CTNNA2: variants seen among roughly 807,000 people sequenced by gnomAD.
CTNNA2 encodes the protein catenin alpha-2.
Under a neutral mutation model 101.0 loss-of-function variants are expected in CTNNA2, and 42 were observed. The ratio of observed to expected loss-of-function variants is 0.42; its 90% CI spans 0.32 to 0.54. The LOEUF (loss-of-function observed/expected upper bound fraction) is 0.54, where lower values mean the gene tolerates loss of function less well. Among genes scored for constraint, CTNNA2 ranks in the 20% least tolerant of loss-of-function variants. The probability of loss-of-function intolerance (pLI) is 0.14; values close to 1 mark genes in which losing one functional copy is unlikely to be tolerated. For missense variants in CTNNA2, 871 were observed against 1,223.1 expected, an observed-to-expected ratio of 0.71 and a Z score of 4.29; for synonymous variants, 450 against 456.4, an observed-to-expected ratio of 0.99 and a Z score of 0.18.
chr2:80,460,075 C>T (rs1047154536), intron 9 of CTNNA2, among the ~76,000 whole-genome samples: 6 of 152,084 alleles, frequency 3.9e-5, no homozygotes, highest in African/African-American at 1.4e-4. Flanking sequence ...TACTAATGCT[C>T]CTGAAATTTA....
At chr2:80,560,075 A>G (rs929493585) in intron 12 of CTNNA2, among the ~76,000 whole-genome samples, 34 of 149,186 alleles carry the variant, frequency 2.3e-4, no homozygotes, top group East Asian at 1.8e-3. Flanking sequence ...AAAAAAAAGA[A>G]AAAAGCATAT....
intron 7 of CTNNA2, among the ~76,000 whole-genome samples, chr2:80,033,159 A>C (rs1695412837): frequency 6.6e-6 from 1 of 151,576 alleles, no homozygotes; most frequent in South Asian, 2.1e-4. Flanking sequence ...AAAAAAAAAA[A>C]AAAAAAACAA....
chr2:79,894,852 C>T (rs147211482), intron 6 of CTNNA2, among the ~76,000 whole-genome samples: 1 of 152,324 alleles, frequency 6.6e-6, no homozygotes, highest in Non-Finnish European at 1.5e-5. Flanking sequence ...TTCACATGCA[C>T]TTTTAGCACA....
At chr2:80,280,136 A>G (rs1203354773) in intron 7 of CTNNA2, among the ~76,000 whole-genome samples, 2 of 151,300 alleles carry the variant, frequency 1.3e-5, no homozygotes, top group East Asian at 4.0e-4. Flanking sequence ...ACCAAATAGG[A>G]TCTTGTGTGC....
At chr2:80,022,138 A>C (rs1694608123) in intron 7 of CTNNA2, among the ~76,000 whole-genome samples, 1 of 152,236 alleles carries the variant, frequency 6.6e-6, no homozygotes, top group Non-Finnish European at 1.5e-5. Context: ...TAGTGCTGAC[A>C]GCACCGGTCA....
chr2:80,297,998 TG>T (rs1454967273), intron 7 of CTNNA2, among the ~76,000 whole-genome samples: 1 of 149,792 alleles, frequency 6.7e-6, no homozygotes, highest in African/African-American at 2.5e-5. Flanking sequence ...GTTATATATG[TG>T]TGTGTGTGTG....
At chr2:80,008,989 T>A (rs1317910750) in intron 7 of CTNNA2, among the ~76,000 whole-genome samples, 1 of 152,148 alleles carries the variant, frequency 6.6e-6, no homozygotes, top group Non-Finnish European at 1.5e-5. Context: ...AGGAAGCTGG[T>A]TCTGTTTAAA....
At chr2:80,519,108 CTCTT>C (rs982143281) in intron 9 of CTNNA2, among the ~76,000 whole-genome samples, 20 of 151,262 alleles carry the variant, frequency 1.3e-4, no homozygotes, top group African/African-American at 3.4e-4. Flanking sequence ...ATAAACACCT[CTCTT>C]TCTCTTTTGT....
intron 8 of CTNNA2, among the ~76,000 whole-genome samples, chr2:80,395,321 A>G (rs1573937084): frequency 6.6e-6 from 1 of 152,188 alleles, no homozygotes; most frequent in East Asian, 1.9e-4. Context: ...GAAATGTTTC[A>G]TGGTATTAAG....
chr2:79,821,172 T>C (rs1677970691), intron 3 of CTNNA2, among the ~76,000 whole-genome samples: 1 of 152,182 alleles, frequency 6.6e-6, no homozygotes, highest in South Asian at 2.1e-4. Flanking sequence ...GATAATTCCT[T>C]CAATAATTCA....
chr2:80,230,946 T>A lies in CTNNA2; in HGVS notation c.1057-162265T>A, dbSNP rs141507422. 4.6e-3 allele frequency among the ~76,000 whole-genome samples: 688 copies of A among 148,792 alleles called. 15 individuals carry two copies. Among genetic ancestry groups the A allele is most frequent in the Admixed American group, 0.033 (494 of 14,964 alleles). ...AGTGCAGAAGCAGACGTAGAATGATTGTGTTCCTGGTGTTTGTTTTGTTTT... is the reference window on the plus strand; with the variant it reads ...AGTGCAGAAGCAGACGTAGAATGATAGTGTTCCTGGTGTTTGTTTTGTTTT... On this transcript the variant is annotated intron_variant, in intron 7 of 18. Transcript: ENST00000402739.
At chr2:79,723,265 C>A (rs1362823627) in intron 2 of CTNNA2, among the ~76,000 whole-genome samples, 1 of 152,080 alleles carries the variant, frequency 6.6e-6, no homozygotes, top group Non-Finnish European at 1.5e-5. Flanking sequence ...CCAGGGATCT[C>A]TAAAAAATCT....
intron 7 of CTNNA2, among the ~76,000 whole-genome samples, chr2:80,391,068 G>C (rs1677465120): frequency 6.6e-6 from 1 of 151,120 alleles, no homozygotes; most frequent in South Asian, 2.1e-4. Flanking sequence ...GGAGGCAGAG[G>C]TTGCAGTGAG....
intron 2 of CTNNA2, among the ~76,000 whole-genome samples, chr2:79,248,022 T>C (rs1297115306): frequency 6.6e-6 from 1 of 152,232 alleles, no homozygotes; most frequent in Non-Finnish European, 1.5e-5. Context: ...CCTCCAAATT[T>C]GTAATAATTT....
At chr2:79,562,800 T>C (rs1674860124) in intron 1 of CTNNA2, among the ~76,000 whole-genome samples, 1 of 152,004 alleles carries the variant, frequency 6.6e-6, no homozygotes. Context: ...TACTTTTTAT[T>C]AATTTGAAAG....
At position 80,647,590 on chromosome 2, in the gene CTNNA2, C is replaced by G; in HGVS notation, c.2580C>G (p.Asp860Glu). Residue 860 changes from aspartate (D) to glutamate (E), a missense_variant, in exon 19 of 19, where the codon GAC becomes GAG. Physicochemically the swap from Asp to Glu is conservative, Grantham distance 45 (BLOSUM62 2). Coordinates refer to ENST00000402739, the MANE Select transcript of CTNNA2 (RefSeq NM_001282597.3). ...TCATTCTTTTCCTACTCTAGCTGGACAGTGCCACATCGCTTATCCAGGCAG... is the reference window on the plus strand; with the variant it reads ...TCATTCTTTTCCTACTCTAGCTGGAGAGTGCCACATCGCTTATCCAGGCAG... The part of the protein sequence containing the change: ...GSGSSDSSML[D>E]SATSLIQAAK... 1 of 1,608,344 alleles carries G rather than the reference C, an allele frequency of 6.2e-7. No individual in the cohort carries two copies. The highest frequency in any genetic ancestry group is 1.7e-5 in the Admixed American group (1 of 59,680).
At chr2:79,492,683 A>T (rs1671216514) in intron 4 of CTNNA2, among the ~76,000 whole-genome samples, 2 of 152,102 alleles carry the variant, frequency 1.3e-5, no homozygotes, top group Admixed American at 1.3e-4. Context: ...TTTTTTACAA[A>T]CTCTCCCAAA....
intron 2 of CTNNA2, among the ~76,000 whole-genome samples, chr2:79,283,372 T>C (rs1675456390): frequency 1.0e-5 from 1 of 98,740 alleles, no homozygotes; most frequent in African/African-American, 3.1e-5. Context: ...GGTTTTCTTC[T>C]AGGGTTTTTA....
chr2:80,328,846 A>C (rs748747397), intron 7 of CTNNA2, among the ~76,000 whole-genome samples: 2 of 152,200 alleles, frequency 1.3e-5, no homozygotes, highest in Non-Finnish European at 2.9e-5. Flanking sequence ...TCATATGGAA[A>C]ACTAAATGTC....
Sources: allele counts gnomAD v4.1 joint callset (sites outside exome capture counted in the v4.1 genomes callset), GRCh38; gene constraint gnomAD v4.1.1; transcripts MANE v1.5; gene names NCBI Gene and HGNC (gene_info 2026-07-23, HGNC 2026-07-21).